Variants in GDF5 observed in about 807,000 individuals in gnomAD.
GDF5 encodes growth differentiation factor 5, also known as growth/differentiation factor 5.
Under a neutral mutation model 34.6 loss-of-function variants are expected in GDF5, and 17 were observed. That is an observed-to-expected ratio of 0.49 (90% CI 0.34 to 0.74). GDF5 has a LOEUF of 0.74. Ranked by LOEUF, GDF5 falls within the 30% of genes least tolerant of loss-of-function variation. The pLI is 0.01. For synonymous variants in GDF5, 332 were observed against 290.7 expected (o/e 1.14, Z -1.44); for missense variants, 616 against 661.2 (o/e 0.93, Z 0.75).
chr20:35,448,209 C>T (rs1434388802), intron 1 of GDF5, among the ~76,000 whole-genome samples: 1 of 151,848 alleles, frequency 6.6e-6, no homozygotes, highest in Non-Finnish European at 1.5e-5. Flanking sequence ...TCCACTCCTC[C>T]TTCCCTCCAT....
At chr20:35,450,330 A>G (rs943823704) in intron 1 of GDF5, among the ~76,000 whole-genome samples, 2 of 151,456 alleles carry the variant, frequency 1.3e-5, no homozygotes, top group African/African-American at 4.8e-5. Flanking sequence ...ATGGACTCAG[A>G]GGAACAGCAG....
At chr20:35,448,397 C>CAA (rs143351308) in intron 1 of GDF5, among the ~76,000 whole-genome samples, 45 of 110,522 alleles carry the variant, frequency 4.1e-4, no homozygotes, top group East Asian at 2.9e-3. Context: ...TTGTTTTTTT[C>CAA]AAAAAAAAAA....
chr20:35,454,729 C>CGCGCT (rs1424448385), exon 1 of GDF5: 1 of 152,250 alleles, frequency 6.6e-6, no homozygotes, highest in Non-Finnish European at 1.5e-5. Flanking sequence ...CCAGTATTAT[C>CGCGCT]GCTAACCAGT....
At chr20:35,444,188 T>C (rs1184592323) in intron 1 of GDF5, among the ~76,000 whole-genome samples, 1 of 152,218 alleles carries the variant, frequency 6.6e-6, no homozygotes, top group Non-Finnish European at 1.5e-5. Flanking sequence ...TTATCTGAAA[T>C]TTCTCTTATG....
Sources: allele counts gnomAD v4.1 joint callset (sites outside exome capture counted in the v4.1 genomes callset), GRCh38; gene constraint gnomAD v4.1.1; transcripts MANE v1.5; gene names NCBI Gene and HGNC (gene_info 2026-07-23, HGNC 2026-07-21).